Variants in PLBD1 observed in about 807,000 individuals in gnomAD.
PLBD1 encodes the protein phospholipase B domain containing 1.
PLBD1 carries 60 observed loss-of-function variants against 63.0 expected under a neutral mutation model. The ratio of observed to expected loss-of-function variants is 0.95; its 90% confidence interval spans 0.77 to 1.18. The LOEUF (loss-of-function observed/expected upper bound fraction) is 1.18. Ranked by LOEUF, PLBD1 falls within the 50% of genes most tolerant of loss-of-function variation. The probability of loss-of-function intolerance (pLI) is 0.00; values close to 1 mark genes in which losing one functional copy is unlikely to be tolerated. For missense variants in PLBD1, 598 were observed against 677.9 expected, an observed-to-expected ratio of 0.88 and a Z score of 1.31; for synonymous variants, 262 against 248.0, an observed-to-expected ratio of 1.06 and a Z score of -0.53.
intron 1 of PLBD1, among the ~76,000 whole-genome samples, chr12:14,555,590 C>T (rs751948145): frequency 3.9e-5 from 6 of 152,246 alleles, no homozygotes; most frequent in East Asian, 1.9e-4. Flanking sequence ...ACTTGGCCTT[C>T]GTGACCTGGT....
At chr12:14,557,364 T>C (rs939306861) in intron 1 of PLBD1, among the ~76,000 whole-genome samples, 2 of 152,150 alleles carry the variant, frequency 1.3e-5, no homozygotes, top group Admixed American at 1.3e-4. Context: ...TGCACACATA[T>C]GTTCATTGCA....
chr12:14,511,312 C>T lies in PLBD1; in HGVS notation c.1134G>A (p.Glu378=). 1 of 1,611,304 alleles carries T rather than the reference C, an allele frequency of 6.2e-7. No homozygotes were observed. Among genetic ancestry groups the T allele is most frequent in the Non-Finnish European group, 8.5e-7 (1 of 1,178,938 alleles). ...AATATTCTACATATGTAGGAATTTG[C>T]TCCACAATGTACAGAGTGCCTTTGT... ...SLDKGTLYIV[E]QIPTYVEYSE... The change falls in exon 8 of 11, where the codon GAG becomes GAA. Residue 378 remains glutamate (E), a synonymous_variant. Transcript: ENST00000240617.
At chr12:14,557,463 T>C (rs1390384815) in intron 1 of PLBD1, among the ~76,000 whole-genome samples, 7 of 152,014 alleles carry the variant, frequency 4.6e-5, no homozygotes, top group Admixed American at 4.6e-4. Flanking sequence ...ATATACAGCA[T>C]GAAATACTAT....
intron 2 of PLBD1, among the ~76,000 whole-genome samples, chr12:14,547,180 T>TTGTGTGTGTGTGTGTG (rs56182227): frequency 3.5e-4 from 49 of 138,214 alleles, no homozygotes; most frequent in South Asian, 5.1e-4. Context: ...GCACCTGGCT[T>TTGTGTGTGTGTGTGTG]TGTGTGTGTG....
chr12:14,507,174 A>G, intron 8 of PLBD1, 56 bp from the exon 9 acceptor site: 2 of 1,297,744 alleles, frequency 1.5e-6, no homozygotes, highest in Non-Finnish European at 2.2e-6. Flanking sequence ...GAGACAGAAA[A>G]GGAGAGAGAG....
At chr12:14,549,086 T>C (rs1309020963) in intron 2 of PLBD1, among the ~76,000 whole-genome samples, 2 of 152,222 alleles carry the variant, frequency 1.3e-5, no homozygotes, top group Non-Finnish European at 2.9e-5. Context: ...GGAAGAATCT[T>C]CAGTTTGGTC....
intron 1 of PLBD1, among the ~76,000 whole-genome samples, chr12:14,560,536 CT>C (rs1462892385): frequency 3.9e-5 from 6 of 152,220 alleles, no homozygotes; most frequent in Admixed American, 3.9e-4. Context: ...CTCGGCTAGT[CT>C]CTCAGTATAC....
At chr12:14,534,677 G>T (rs909636330) in intron 6 of PLBD1, among the ~76,000 whole-genome samples, 3 of 151,890 alleles carry the variant, frequency 2.0e-5, no homozygotes, top group Non-Finnish European at 4.4e-5. Flanking sequence ...CAGAGTAGCT[G>T]CGACTACAGG....
chr12:14,505,497 G>A (rs939422958), intron 10 of PLBD1, among the ~76,000 whole-genome samples: 2 of 152,152 alleles, frequency 1.3e-5, no homozygotes, highest in Non-Finnish European at 2.9e-5. Flanking sequence ...GAGGAAAAAA[G>A]TTCCTGATTT....
chr12:14,546,317 CAA>C (rs1330770189), intron 2 of PLBD1, among the ~76,000 whole-genome samples: 34 of 88,708 alleles, frequency 3.8e-4, no homozygotes, highest in African/African-American at 9.4e-4. Context: ...GATTCTGTCT[CAA>C]AAAAAAAAAA....
intron 3 of PLBD1, among the ~76,000 whole-genome samples, chr12:14,541,403 G>A (rs1367584405): frequency 1.3e-5 from 2 of 152,288 alleles, no homozygotes; most frequent in South Asian, 4.1e-4. Flanking sequence ...ATTAGTAACC[G>A]CTTCAATGCC....
intron 1 of PLBD1, among the ~76,000 whole-genome samples, chr12:14,556,361 T>A (rs1040845427): frequency 6.6e-6 from 1 of 152,094 alleles, no homozygotes; most frequent in Non-Finnish European, 1.5e-5. Flanking sequence ...CGTTCCAAAC[T>A]GGACCAACAT....
intron 6 of PLBD1, among the ~76,000 whole-genome samples, chr12:14,514,659 C>G (rs2136907720): frequency 6.6e-6 from 1 of 152,200 alleles, no homozygotes; most frequent in South Asian, 2.1e-4. Flanking sequence ...AAAGAAAAGG[C>G]CCAGAGATGG....
chr12:14,538,226 T>C (rs1423360897), intron 4 of PLBD1, among the ~76,000 whole-genome samples: 2 of 152,080 alleles, frequency 1.3e-5, no homozygotes, highest in African/African-American at 2.4e-5. Flanking sequence ...AGAGTTTCAC[T>C]CTAGTTGCCC....
chr12:14,514,456 T>G (rs745954670), intron 6 of PLBD1, among the ~76,000 whole-genome samples: 1 of 152,220 alleles, frequency 6.6e-6, no homozygotes, highest in African/African-American at 2.4e-5. Flanking sequence ...TTCTTTAATA[T>G]GTGTAGGTGA....
intron 10 of PLBD1, among the ~76,000 whole-genome samples, chr12:14,504,199 G>A (rs1945230608): frequency 6.6e-6 from 1 of 152,044 alleles, no homozygotes; most frequent in Non-Finnish European, 1.5e-5. Flanking sequence ...ACGTGGATGG[G>A]CCACCACACC....
chr12:14,521,271 G>A (rs1945373783), intron 6 of PLBD1, among the ~76,000 whole-genome samples: 1 of 152,042 alleles, frequency 6.6e-6, no homozygotes, highest in Non-Finnish European at 1.5e-5. Context: ...GACGCCCAAG[G>A]AACAGATGAT....
chr12:14,535,737 T>A lies in PLBD1; in HGVS notation c.766A>T (p.Arg256Trp), dbSNP rs142234943. 3 of 1,613,922 alleles carry A rather than the reference T, an allele frequency of 1.9e-6. No homozygotes were observed. Among genetic ancestry groups the A allele is most frequent in the Admixed American group, 3.3e-5 (2 of 60,002 alleles). ...SSWYTYAAMLRIYKHWDFNVI... is the reference protein window; with the variant it reads ...SSWYTYAAMLWIYKHWDFNVI... Reference sequence around the variant, plus strand: ...TTGAAGTCCCAGTGTTTATATATCCTGAGCATGGCTGCATACGTGTACCAG... The same window carrying A: ...TTGAAGTCCCAGTGTTTATATATCCAGAGCATGGCTGCATACGTGTACCAG... Residue 256 changes from arginine (R) to tryptophan (W), a missense_variant, in exon 6 of 11, where the codon AGG becomes TGG. By Grantham distance (101) the Arg-to-Trp change is moderately radical (BLOSUM62 -3). Coordinates refer to ENST00000240617, the MANE Select transcript of PLBD1 (RefSeq NM_024829.6).
chr12:14,565,940 G>T (rs1945776899), intron 1 of PLBD1, among the ~76,000 whole-genome samples: 1 of 152,138 alleles, frequency 6.6e-6, no homozygotes, highest in Non-Finnish European at 1.5e-5. Context: ...TCAGCTTCCT[G>T]TTGGAGGAAC....
Sources: gnomAD v4.1 joint callset for allele counts (sites outside exome capture counted in the v4.1 genomes callset) on GRCh38, gnomAD v4.1.1 for gene constraint, MANE v1.5 for transcripts, NCBI Gene and HGNC (gene_info 2026-07-23, HGNC 2026-07-21) for gene names.